The following REPS1 variants were observed in gnomAD, a reference collection of about 807,000 sequenced individuals.
REPS1 encodes RALBP1 associated Eps domain containing 1.
REPS1 carries 39 observed loss-of-function variants against 100.9 expected under a neutral mutation model. The observed-to-expected ratio is 0.39, with a 90% CI of 0.30 to 0.50. The LOEUF is 0.50. Among genes scored for constraint, REPS1 ranks in the 20% least tolerant of loss-of-function variants. The pLI is 0.86. For missense variants in REPS1, 821 were observed against 968.5 expected, an observed-to-expected ratio of 0.85 and a Z score of 2.02; for synonymous variants, 324 against 340.3, an observed-to-expected ratio of 0.95 and a Z score of 0.53.
At chr6:138,947,734 C>G (rs1782734824) in intron 2 of REPS1, 56 bp downstream of exon 2, 37 of 1,396,440 alleles carry the variant, frequency 2.6e-5, no homozygotes, top group Non-Finnish European at 3.4e-5. Context: ...ATTGACTTGA[C>G]TTCATTTGTA....
At chr6:138,944,829 T>C (rs1782507065) in intron 4 of REPS1, among the ~76,000 whole-genome samples, 1 of 152,188 alleles carries the variant, frequency 6.6e-6, no homozygotes, top group African/African-American at 2.4e-5. Flanking sequence ...ATACATAATA[T>C]TCTGGGAAAT....
chr6:138,907,611 AAAG>A lies in REPS1; in HGVS notation c.2217-14_2217-12del, dbSNP rs1779745919. On this transcript the variant is annotated splice_polypyrimidine_tract_variant and intron_variant, in intron 18 of 19. Transcript: ENST00000450536. The stretch of plus-strand genomic sequence containing the variant: ...TCTTTCCCAACAGATCTGAGAAGAT[AAAG>A]AAGGCAAAAAAACCCATAACCTTCA... The A allele has an allele frequency of 1.9e-6, 3 of 1,545,012 alleles. No homozygotes were observed. Among genetic ancestry groups the A allele is most frequent in the Non-Finnish European group, 2.7e-6 (3 of 1,118,558 alleles).
At chr6:138,921,567 C>CTTTTTTT (rs755518526) in intron 10 of REPS1, among the ~76,000 whole-genome samples, 1 of 57,644 alleles carries the variant, frequency 1.7e-5, no homozygotes, top group Non-Finnish European at 3.1e-5. Flanking sequence ...TAGGAGGATC[C>CTTTTTTT]TTTTTTTTTT....
intron 6 of REPS1, 122 bp from the exon 7 acceptor site, chr6:138,943,698 T>A (rs1412011592): frequency 3.0e-6 from 3 of 986,246 alleles, no homozygotes; most frequent in Admixed American, 5.8e-5. Flanking sequence ...ATATGTCATG[T>A]TTTTGGCCCC....
chr6:138,935,254 G>A (rs1312411506), intron 8 of REPS1, among the ~76,000 whole-genome samples: 2 of 152,142 alleles, frequency 1.3e-5, no homozygotes, highest in East Asian at 1.9e-4. Context: ...TGTCCAACAA[G>A]ATTTGAAAAG....
intron 2 of REPS1, among the ~76,000 whole-genome samples, chr6:138,946,532 T>C (rs527649998): frequency 6.6e-5 from 10 of 152,274 alleles, no homozygotes; most frequent in South Asian, 6.2e-4. Context: ...TTATTCAATA[T>C]ACATGTAAAA....
chr6:138,915,390 T>C (rs1780296958), intron 14 of REPS1, among the ~76,000 whole-genome samples: 1 of 150,498 alleles, frequency 6.6e-6, no homozygotes, highest in South Asian at 2.1e-4. Flanking sequence ...CTTTAAGTAG[T>C]CATTAAGAAA....
rs540491812 is a variant in REPS1 at position 138,987,932 on chromosome 6, ACGGCTCCGGCTC to A, written c.-262_-251del. 21,971 of 373,202 alleles carry A rather than the reference ACGGCTCCGGCTC, an allele frequency of 0.059. 1,689 individuals are homozygous for A. The highest frequency in any genetic ancestry group is 0.23 in the African/African-American group (10,717 of 47,204). The allele number at this position is 373,202 out of a possible 1,614,324, so 23.1% of individuals were successfully genotyped here. Reference sequence around the variant, plus strand: ...CGCGGCTGCGGCTGCGGCTGCGACTACGGCTCCGGCTCCGGCTCCGGCTCCGGCCGCGGGGAG... The same window carrying A: ...CGCGGCTGCGGCTGCGGCTGCGACTACGGCTCCGGCTCCGGCCGCGGGGAG... On this transcript the variant is annotated 5_prime_UTR_variant, in exon 1 of 20. Transcript: ENST00000450536.
chr6:138,907,625 A>C (rs759222557), intron 18 of REPS1, 25 bp from the exon 19 acceptor site: 1 of 1,365,060 alleles, frequency 7.3e-7, no homozygotes. Flanking sequence ...AAGGCAAAAA[A>C]ACCCATAACC....
chr6:138,973,855 T>G (rs1181325462), intron 1 of REPS1, among the ~76,000 whole-genome samples: 1 of 152,082 alleles, frequency 6.6e-6, no homozygotes, highest in Non-Finnish European at 1.5e-5. Flanking sequence ...TGGCTGGCAA[T>G]GTATATTAAG....
intron 1 of REPS1, among the ~76,000 whole-genome samples, chr6:138,959,076 A>G (rs1455860978): frequency 2.0e-5 from 3 of 152,164 alleles, no homozygotes; most frequent in African/African-American, 7.2e-5. Context: ...TTCCACCATG[A>G]CATGCTATAC....
At chr6:138,916,013 T>C in intron 13 of REPS1, 37 bp from the exon 14 acceptor site, 1 of 1,427,080 alleles carries the variant, frequency 7.0e-7, no homozygotes. Context: ...GTCATACTAC[T>C]GATATCAGAG....
intron 13 of REPS1, among the ~76,000 whole-genome samples, chr6:138,916,507 G>A (rs2698741): frequency 0.44 from 67,459 of 151,742 alleles, 15,159 homozygotes; most frequent in Admixed American, 0.54. Context: ...AGAAGTGCTC[G>A]GCCTCAAAAA....
At chr6:138,957,394 G>A (rs895593115) in intron 1 of REPS1, among the ~76,000 whole-genome samples, 6 of 152,158 alleles carry the variant, frequency 3.9e-5, no homozygotes, top group African/African-American at 1.4e-4. Flanking sequence ...AATATCCAGA[G>A]AGTTCTAAGT....
intron 1 of REPS1, among the ~76,000 whole-genome samples, chr6:138,986,316 A>G (rs749803483): frequency 5.3e-5 from 8 of 152,262 alleles, no homozygotes; most frequent in Non-Finnish European, 1.2e-4. Context: ...GTAAAACACA[A>G]GACCATTTAA....
intron 13 of REPS1, among the ~76,000 whole-genome samples, chr6:138,916,621 A>T (rs1780416987): frequency 6.6e-6 from 1 of 152,176 alleles, no homozygotes. Flanking sequence ...GAAAAAAAAT[A>T]ATTGTATAAA....
At chr6:138,978,126 A>G (rs1172949185) in intron 1 of REPS1, among the ~76,000 whole-genome samples, 2 of 151,852 alleles carry the variant, frequency 1.3e-5, no homozygotes, top group Non-Finnish European at 2.9e-5. Flanking sequence ...GTGAGTTGTA[A>G]GATTTTTCAA....
At chr6:138,936,868 G>T (rs1781882119) in intron 8 of REPS1, among the ~76,000 whole-genome samples, 2 of 152,026 alleles carry the variant, frequency 1.3e-5, no homozygotes, top group African/African-American at 4.8e-5. Context: ...GTTAAATTAA[G>T]GTACATCATA....
chr6:138,961,683 T>C (rs902334590), intron 1 of REPS1, among the ~76,000 whole-genome samples: 2 of 152,348 alleles, frequency 1.3e-5, no homozygotes, highest in Non-Finnish European at 1.5e-5. Context: ...AATAATAGTA[T>C]TGTTATGAAA....
Sources: gnomAD v4.1 joint callset for allele counts (sites outside exome capture counted in the v4.1 genomes callset) on GRCh38, gnomAD v4.1.1 for gene constraint, MANE v1.5 for transcripts, NCBI Gene and HGNC (gene_info 2026-07-23, HGNC 2026-07-21) for gene names.